Variants in JMY observed in about 807,000 individuals in gnomAD.
JMY encodes the protein junction mediating and regulatory protein, p53 cofactor.
Under a neutral mutation model 103.3 loss-of-function variants are expected in JMY, and 46 were observed. That is an observed-to-expected ratio of 0.45 (90% CI 0.35 to 0.57). JMY has a LOEUF of 0.57. Among genes scored for constraint, JMY ranks in the 20% least tolerant of loss-of-function variants. The pLI is 0.00. For missense variants in JMY, 1,238 were observed against 1,255.2 expected (o/e 0.99, Z 0.21); for synonymous variants, 526 against 489.3 (o/e 1.07, Z -0.99).
At chr5:79,279,847 T>C (rs1399560726) in intron 2 of JMY, among the ~76,000 whole-genome samples, 1 of 152,132 alleles carries the variant, frequency 6.6e-6, no homozygotes, top group Admixed American at 6.5e-5. Flanking sequence ...TTTTTTGTTT[T>C]GTTTTGTTTT....
chr5:79,270,446 ATAT>A (rs1745723892), intron 1 of JMY, among the ~76,000 whole-genome samples: 1 of 116,316 alleles, frequency 8.6e-6, no homozygotes, highest in African/African-American at 3.4e-5. Flanking sequence ...TTTAAAATAT[ATAT>A]TTACATAAAT....
chr5:79,312,379 G>A (rs1170484352), intron 7 of JMY, 24 bp from the exon 8 acceptor site: 4 of 1,364,532 alleles, frequency 2.9e-6, no homozygotes, highest in Admixed American at 4.3e-5. Flanking sequence ...CAGCATAATG[G>A]AATTATTATT....
intron 2 of JMY, chr5:79,284,458 A>G (rs1008291601): frequency 1.2e-5 from 19 of 1,577,356 alleles, no homozygotes; most frequent in Admixed American, 3.3e-5. Flanking sequence ...GGTGCTGGGC[A>G]TAAGAGGTCT....
chr5:79,325,042 A>AAATC lies in JMY; in HGVS notation c.*3442_*3445dup, dbSNP rs1354035768. The AAATC allele has an allele frequency of 6.5e-6, 1 of 152,674 alleles. No individual in the cohort carries two copies. Among genetic ancestry groups the AAATC allele is most frequent in the Non-Finnish European group, 1.5e-5 (1 of 68,028 alleles). 9.5% of individuals were successfully genotyped at this position (152,674 alleles called of 1,614,324 possible). A position where few individuals can be genotyped will look rare whatever the true frequency, so the allele number is the denominator to read the frequency against. On this transcript the variant is annotated 3_prime_UTR_variant, in exon 11 of 11. Coordinates refer to ENST00000396137, the MANE Select transcript of JMY (RefSeq NM_152405.5). ...GTAGACACTAAGAATTAAAACTCTT[A>AAATC]AATCAGTGAAACAAAAACTAATGGG...
chr5:79,260,764 T>C (rs1381281902), intron 1 of JMY, among the ~76,000 whole-genome samples: 1 of 151,562 alleles, frequency 6.6e-6, no homozygotes, highest in African/African-American at 2.4e-5. Context: ...TATTAACAAG[T>C]AATAATTAGC....
At chr5:79,277,001 T>A (rs1335067219) in intron 1 of JMY, among the ~76,000 whole-genome samples, 1 of 152,198 alleles carries the variant, frequency 6.6e-6, no homozygotes, top group Non-Finnish European at 1.5e-5. Flanking sequence ...CCTTCCAAAG[T>A]GTTGGGATTA....
chr5:79,296,974 A>G (rs995435435), intron 4 of JMY, among the ~76,000 whole-genome samples: 6 of 152,240 alleles, frequency 3.9e-5, no homozygotes, highest in Non-Finnish European at 8.8e-5. Flanking sequence ...TTGTACTTAC[A>G]TGGATGTATG....
Position 79,326,829 on chromosome 5 carries a change from C to G in JMY, c.*5227C>G, listed in dbSNP as rs1747662449. On this transcript the variant is annotated 3_prime_UTR_variant, in exon 11 of 11. Transcript: ENST00000396137. ...TTGGCTTGTAAGGATGGCTTTAGTA[C>G]CATTACATTAAATGGACAGTGTGCA... 6.6e-6 allele frequency: 1 copy of G among 152,166 alleles called. No individual in the cohort carries two copies. Among genetic ancestry groups the G allele is most frequent in the Admixed American group, 6.5e-5 (1 of 15,276 alleles). The allele number at this position is 152,166 out of a possible 1,614,324, so 9.4% of individuals were successfully genotyped here.
At chr5:79,262,699 A>G (rs1232193893) in intron 1 of JMY, among the ~76,000 whole-genome samples, 1 of 152,232 alleles carries the variant, frequency 6.6e-6, no homozygotes, top group Non-Finnish European at 1.5e-5. Flanking sequence ...AAGGCAGATT[A>G]ATAAATTAGC....
At chr5:79,241,021 A>G (rs767661202) in intron 1 of JMY, among the ~76,000 whole-genome samples, 3 of 152,230 alleles carry the variant, frequency 2.0e-5, no homozygotes, top group African/African-American at 4.8e-5. Context: ...TTGGTCACTT[A>G]CAATACTTAG....
intron 3 of JMY, among the ~76,000 whole-genome samples, chr5:79,290,546 C>G (rs1746388113): frequency 1.3e-5 from 2 of 151,966 alleles, no homozygotes; most frequent in South Asian, 4.1e-4. Flanking sequence ...TTAATGCTTT[C>G]CTGGAAACTT....
At chr5:79,320,547 C>T (rs946895659) in intron 10 of JMY, among the ~76,000 whole-genome samples, 1 of 151,868 alleles carries the variant, frequency 6.6e-6, no homozygotes, top group Non-Finnish European at 1.5e-5. Context: ...CTGACCTCAA[C>T]TGATCCACCC....
intron 4 of JMY, among the ~76,000 whole-genome samples, chr5:79,292,465 A>G (rs1746450916): frequency 6.6e-6 from 1 of 151,688 alleles, no homozygotes; most frequent in Non-Finnish European, 1.5e-5. Context: ...ACCCCCCCCA[A>G]CACCTTGCAA....
At chr5:79,302,176 G>A (rs913245807) in intron 6 of JMY, among the ~76,000 whole-genome samples, 3 of 151,758 alleles carry the variant, frequency 2.0e-5, no homozygotes, top group Non-Finnish European at 4.4e-5. Flanking sequence ...TTTCAGAAGA[G>A]CACATTTTTG....
chr5:79,261,617 A>AC (rs1055771569), intron 1 of JMY, among the ~76,000 whole-genome samples: 10 of 151,586 alleles, frequency 6.6e-5, no homozygotes, highest in Non-Finnish European at 1.2e-4. Flanking sequence ...ATTTTCCCTA[A>AC]CCCCCCTTAC....
At chr5:79,265,843 C>T (rs377026124) in intron 1 of JMY, among the ~76,000 whole-genome samples, 11 of 149,472 alleles carry the variant, frequency 7.4e-5, no homozygotes, top group African/African-American at 2.2e-4. Context: ...TGCAGTGGCA[C>T]GATCTCGGCT....
intron 1 of JMY, among the ~76,000 whole-genome samples, chr5:79,269,221 T>C (rs1403654966): frequency 6.6e-6 from 1 of 152,172 alleles, no homozygotes; most frequent in Non-Finnish European, 1.5e-5. Context: ...TTCTATTGAA[T>C]TGTCTTTGCT....
At chr5:79,257,527 C>A (rs1031831474) in intron 1 of JMY, among the ~76,000 whole-genome samples, 1 of 152,096 alleles carries the variant, frequency 6.6e-6, no homozygotes, top group Non-Finnish European at 1.5e-5. Context: ...CACCTGAAAC[C>A]AGGAATGTCG....
chr5:79,296,386 G>GT (rs1746562066), intron 4 of JMY, among the ~76,000 whole-genome samples: 2 of 152,330 alleles, frequency 1.3e-5, no homozygotes, highest in Non-Finnish European at 2.9e-5. Flanking sequence ...AGGCTTGTCT[G>GT]TTACTAATTC....
Sources: allele counts gnomAD v4.1 joint callset (sites outside exome capture counted in the v4.1 genomes callset), GRCh38; gene constraint gnomAD v4.1.1; transcripts MANE v1.5; gene names NCBI Gene and HGNC (gene_info 2026-07-23, HGNC 2026-07-21).